NBDY: variants seen among roughly 807,000 people sequenced by gnomAD.
NBDY encodes P-body dissociating protein.
chrX:56,740,543 G>C (rs1336034400), intron 2 of NBDY, among the ~76,000 whole-genome samples: 1 of 111,400 alleles, frequency 9.0e-6, no homozygotes, highest in Non-Finnish European at 1.9e-5. Flanking sequence ...TACCAAGAGA[G>C]TTAAAATCTC....
intron 2 of NBDY, among the ~76,000 whole-genome samples, chrX:56,795,927 A>G (rs1176608852): frequency 9.0e-6 from 1 of 111,226 alleles, no homozygotes; most frequent in African/African-American, 3.3e-5. Context: ...AACCCCCATT[A>G]TGTCTCAACT....
intron 2 of NBDY, among the ~76,000 whole-genome samples, chrX:56,813,502 G>T (rs966580273): frequency 3.6e-5 from 4 of 110,758 alleles, no homozygotes; most frequent in African/African-American, 1.3e-4. Flanking sequence ...ACTCAGAAGG[G>T]ACTCCACACC....
chrX:56,763,479 G>A (rs1271055750), intron 2 of NBDY, among the ~76,000 whole-genome samples: 4 of 112,329 alleles, frequency 3.6e-5, no homozygotes, highest in Admixed American at 9.4e-5. Context: ...AGCCCAAGGC[G>A]GTAAACTCTA....
At chrX:56,762,175 C>G (rs1569287161) in intron 2 of NBDY, among the ~76,000 whole-genome samples, 1 of 111,729 alleles carries the variant, frequency 9.0e-6, no homozygotes, top group Non-Finnish European at 1.9e-5. Flanking sequence ...CCCATGAACT[C>G]TATCCTTCAG....
intron 2 of NBDY, among the ~76,000 whole-genome samples, chrX:56,750,348 TCTAA>T (rs1204859721): frequency 2.7e-5 from 3 of 111,726 alleles, no homozygotes; most frequent in Non-Finnish European, 5.6e-5. Flanking sequence ...GGCCATTGTT[TCTAA>T]CTATTTTTTT....
intron 2 of NBDY, among the ~76,000 whole-genome samples, chrX:56,798,005 T>A (rs2069802501): frequency 9.0e-6 from 1 of 111,485 alleles, no homozygotes; most frequent in African/African-American, 3.3e-5. Flanking sequence ...GCACAGGGGT[T>A]GGGGCTCAAG....
At chrX:56,735,233 A>G in intron 2 of NBDY, among the ~76,000 whole-genome samples, 1 of 112,614 alleles carries the variant, frequency 8.9e-6, no homozygotes, top group East Asian at 2.8e-4. Context: ...CTTAGTCTTC[A>G]TAACAAGCAG....
At chrX:56,763,879 T>A (rs987313026) in intron 2 of NBDY, among the ~76,000 whole-genome samples, 4 of 112,475 alleles carry the variant, frequency 3.6e-5, no homozygotes, top group Non-Finnish European at 7.5e-5. Context: ...GCGGAGGCCC[T>A]GGAGTTGAAG....
intron 2 of NBDY, among the ~76,000 whole-genome samples, chrX:56,737,942 C>T (rs1465140061): frequency 4.5e-5 from 5 of 111,222 alleles, no homozygotes; most frequent in Non-Finnish European, 9.4e-5. Flanking sequence ...TCTCCTTTAC[C>T]TCTTAATATG....
At chrX:56,801,006 G>C (rs919096338) in intron 2 of NBDY, among the ~76,000 whole-genome samples, 1 of 111,406 alleles carries the variant, frequency 9.0e-6, no homozygotes, top group Admixed American at 9.5e-5. Context: ...TAGATTAGAA[G>C]CCCGTGGCCC....
intron 2 of NBDY, among the ~76,000 whole-genome samples, chrX:56,758,607 C>A (rs903771323): frequency 8.9e-6 from 1 of 111,835 alleles, no homozygotes. Flanking sequence ...CTCCCTGGAA[C>A]GTGATGGCTC....
At chrX:56,737,374 G>C (rs1381498279) in intron 2 of NBDY, 28 of 670,970 alleles carry the variant, frequency 4.2e-5, no homozygotes, top group Non-Finnish European at 6.4e-5. Flanking sequence ...TCATGGTCAG[G>C]TCCAATGCAC....
At chrX:56,730,758 C>T (rs2069453905) in intron 1 of NBDY, among the ~76,000 whole-genome samples, 1 of 110,662 alleles carries the variant, frequency 9.0e-6, no homozygotes, top group South Asian at 3.8e-4. Context: ...TACTTCATTC[C>T]AATATCCATC....
chrX:56,750,941 G>A (rs2069581628), intron 2 of NBDY, among the ~76,000 whole-genome samples: 1 of 111,219 alleles, frequency 9.0e-6, no homozygotes, highest in Admixed American at 9.6e-5. Context: ...ATAAATATCT[G>A]ATCACATTGC....
At chrX:56,783,984 G>A (rs1440011330) in intron 2 of NBDY, among the ~76,000 whole-genome samples, 2 of 111,954 alleles carry the variant, frequency 1.8e-5, no homozygotes, top group African/African-American at 3.3e-5. Context: ...TTCTTCTCTG[G>A]GCAGGGGTCC....
At chrX:56,740,483 T>C (rs2069526432) in intron 2 of NBDY, among the ~76,000 whole-genome samples, 1 of 111,707 alleles carries the variant, frequency 9.0e-6, no homozygotes, top group African/African-American at 3.2e-5. Flanking sequence ...TTAACTGTGT[T>C]GTTTAAATCT....
At position 56,818,327 on chromosome X, in the gene NBDY, A is replaced by G. The variant is rs140672496; in HGVS notation, c.*1174A>G. Reference sequence around the variant, plus strand: ...TTGTGAAACCTGAGTATTTTACCCAATCCTCTGAAATTAGTCCCTAGCATC... The same window carrying G: ...TTGTGAAACCTGAGTATTTTACCCAGTCCTCTGAAATTAGTCCCTAGCATC... On this transcript the variant is annotated 3_prime_UTR_variant, in exon 3 of 3. Coordinates refer to ENST00000374922, the MANE Select transcript of NBDY (RefSeq NM_001348129.2). 3.9e-3 allele frequency: 438 copies of G among 112,080 alleles called. 3 individuals are homozygous for G. Among genetic ancestry groups the G allele is most frequent in the East Asian group, 0.021 (77 of 3,592 alleles). 9.2% of individuals were successfully genotyped at this position (112,080 alleles called of 1,213,427 possible).
intron 2 of NBDY, among the ~76,000 whole-genome samples, chrX:56,738,844 T>G (rs2069511489): frequency 9.0e-6 from 1 of 111,220 alleles, no homozygotes; most frequent in South Asian, 3.9e-4. Flanking sequence ...TAGGCACTAA[T>G]GAAGCATGAA....
chrX:56,752,694 C>T (rs937269533), intron 2 of NBDY, among the ~76,000 whole-genome samples: 4 of 111,416 alleles, frequency 3.6e-5, no homozygotes, highest in African/African-American at 1.3e-4. Context: ...ACTGCAACCT[C>T]CACCTCCCAG....
Sources: gnomAD v4.1 joint callset for allele counts (sites outside exome capture counted in the v4.1 genomes callset) on GRCh38, gnomAD v4.1.1 for gene constraint, MANE v1.5 for transcripts, NCBI Gene and HGNC (gene_info 2026-07-23, HGNC 2026-07-21) for gene names.